The following PARD3B variants were observed in gnomAD, a reference collection of about 807,000 sequenced individuals.
The protein encoded by PARD3B is par-3 family cell polarity regulator beta.
A neutral mutation model predicts 130.2 loss-of-function variants in PARD3B; 103 were observed. That is an observed-to-expected ratio of 0.79 (90% CI 0.67 to 0.93). The LOEUF is 0.93. Among genes scored for constraint, PARD3B ranks in the 40% least tolerant of loss-of-function variants. The pLI is 0.00. For missense variants in PARD3B, 1,609 were observed against 1,499.2 expected, an observed-to-expected ratio of 1.07 and a Z score of -1.21; for synonymous variants, 583 against 553.2, an observed-to-expected ratio of 1.05 and a Z score of -0.76.
chr2:204,984,562 T>C (rs1692964239), intron 3 of PARD3B, among the ~76,000 whole-genome samples: 1 of 152,192 alleles, frequency 6.6e-6, no homozygotes, highest in South Asian at 2.1e-4. Context: ...TATTCCTTTG[T>C]ATTCACAAAG....
In PARD3B at chr2:204,952,030, A is replaced by G. The variant is rs562814519; in HGVS notation, c.223-13122A>G. 2.0e-5 allele frequency among the ~76,000 whole-genome samples: 3 copies of G among 152,322 alleles called. No individual in the cohort carries two copies. In the South Asian group the frequency reaches 6.2e-4, roughly 32 times the overall value. On this transcript the variant is annotated intron_variant, in intron 2 of 22. Coordinates refer to ENST00000406610, the MANE Select transcript of PARD3B (RefSeq NM_001302769.2). ...GATTGTGGAAGAAAAGCTAAAATAC[A>G]TAAAATGTTATTTTTTCTGGGGAAT...
intron 2 of PARD3B, among the ~76,000 whole-genome samples, chr2:204,783,597 T>G (rs2041913428): frequency 6.6e-6 from 1 of 152,180 alleles, no homozygotes; most frequent in South Asian, 2.1e-4. Flanking sequence ...TTGTGGTTTT[T>G]GCCATTGAAA....
chr2:205,048,346 G>A (rs192028156), intron 4 of PARD3B: 2 of 152,278 alleles, frequency 1.3e-5, no homozygotes, highest in Admixed American at 1.3e-4. Context: ...ATAACTAATA[G>A]GTTAAGTGGA....
At chr2:204,775,601 G>A (rs1043785715) in intron 2 of PARD3B, among the ~76,000 whole-genome samples, 2 of 152,120 alleles carry the variant, frequency 1.3e-5, no homozygotes, top group African/African-American at 2.4e-5. Flanking sequence ...ACTTGGCTGA[G>A]GTTCTTAATG....
intron 1 of PARD3B, among the ~76,000 whole-genome samples, chr2:204,625,951 G>A (rs1055026174): frequency 6.6e-6 from 1 of 151,846 alleles, no homozygotes; most frequent in African/African-American, 2.4e-5. Context: ...AGATGTATAG[G>A]GTATATTATT....
intron 2 of PARD3B, among the ~76,000 whole-genome samples, chr2:204,793,344 AT>A (rs2042260885): frequency 6.6e-6 from 1 of 152,006 alleles, no homozygotes; most frequent in Non-Finnish European, 1.5e-5. Flanking sequence ...AAATTAACAG[AT>A]TATTTAATTA....
chr2:204,648,103 G>T (rs1372632202), intron 1 of PARD3B, among the ~76,000 whole-genome samples: 1 of 151,574 alleles, frequency 6.6e-6, no homozygotes, highest in Non-Finnish European at 1.5e-5. Flanking sequence ...TATTTTTGAG[G>T]TTATGCAAGT....
At chr2:205,201,946 G>A (rs1179801690) in intron 15 of PARD3B, among the ~76,000 whole-genome samples, 4 of 152,102 alleles carry the variant, frequency 2.6e-5, no homozygotes, top group Admixed American at 2.0e-4. Flanking sequence ...ATATTACACA[G>A]AATATAATTG....
chr2:205,015,166 A>G lies in PARD3B; in HGVS notation c.395-32415A>G, dbSNP rs1696037848. Among the ~76,000 whole-genome samples the G allele has an allele frequency of 6.6e-6, 1 of 152,226 alleles. No individual in the cohort carries two copies. Among genetic ancestry groups the G allele is most frequent in the Non-Finnish European group, 1.5e-5 (1 of 68,036 alleles). ...GTATGTTATATGTATTATGTATACA[A>G]TATGTATTTTTATGTATTCTTACAA... is the stretch of plus-strand genomic sequence containing the variant. On this transcript the variant is annotated intron_variant, in intron 3 of 22. Transcript: ENST00000406610. This position sits in a 1 kb window ranked among gnomAD's most constrained non-coding sequence, Gnocchi z 4.5.
At chr2:205,045,524 A>G (rs1238252089) in intron 3 of PARD3B, among the ~76,000 whole-genome samples, 1 of 152,060 alleles carries the variant, frequency 6.6e-6, no homozygotes. Context: ...CTGGGATTAT[A>G]GGCGTGAGCC....
At chr2:204,935,279 C>T (rs533584256) in intron 2 of PARD3B, among the ~76,000 whole-genome samples, 11 of 151,206 alleles carry the variant, frequency 7.3e-5, no homozygotes, top group Non-Finnish European at 1.5e-4. Context: ...CCTGTAATCC[C>T]AGCACTTTGG....
chr2:204,762,030 G>A (rs1259066098), intron 2 of PARD3B, among the ~76,000 whole-genome samples: 2 of 149,928 alleles, frequency 1.3e-5, no homozygotes, highest in African/African-American at 2.5e-5. Flanking sequence ...TCTTGCCATT[G>A]AGCCCACAAT....
intron 18 of PARD3B, among the ~76,000 whole-genome samples, chr2:205,332,677 C>T (rs1288083134): frequency 2.0e-5 from 3 of 152,116 alleles, no homozygotes; most frequent in Non-Finnish European, 4.4e-5. Context: ...AGACGGCTTC[C>T]CCTCTTCTCT....
chr2:204,907,923 A>T lies in PARD3B; in HGVS notation c.223-57229A>T, dbSNP rs1249784373. ...CATTATGTTGGCCAGGCTGGTCTCA[A>T]ACTCCTGGCCTCAAGTGACCTGCCT... On this transcript the variant is annotated intron_variant, in intron 2 of 22. Transcript: ENST00000406610. The surrounding 1 kb of genome is among the most constrained non-coding windows in gnomAD (Gnocchi z 5.7). Among the ~76,000 whole-genome samples, 1 of 152,030 alleles carries T rather than the reference A, an allele frequency of 6.6e-6. No homozygotes were observed. The highest frequency in any genetic ancestry group is 1.5e-5 in the Non-Finnish European group (1 of 68,016).
chr2:205,326,807 A>G (rs1037260842), intron 18 of PARD3B, among the ~76,000 whole-genome samples: 2 of 152,190 alleles, frequency 1.3e-5, no homozygotes, highest in African/African-American at 4.8e-5. Flanking sequence ...AGGGCTCTTC[A>G]TTAGGGGAAA....
At chr2:205,195,509 C>A (rs2036634032) in intron 15 of PARD3B, among the ~76,000 whole-genome samples, 1 of 152,208 alleles carries the variant, frequency 6.6e-6, no homozygotes, top group South Asian at 2.1e-4. Context: ...GGGAGCCTAA[C>A]AAATGTGTTA....
intron 3 of PARD3B, among the ~76,000 whole-genome samples, chr2:205,016,943 A>G (rs549122390): frequency 6.6e-6 from 1 of 152,308 alleles, no homozygotes; most frequent in South Asian, 2.1e-4. Flanking sequence ...AGTTCCTCTA[A>G]GCACCAAAAG....
At chr2:204,698,249 T>G (rs941080193) in intron 2 of PARD3B, among the ~76,000 whole-genome samples, 4 of 152,168 alleles carry the variant, frequency 2.6e-5, no homozygotes, top group Non-Finnish European at 5.9e-5. Context: ...CCTCTTTATT[T>G]CCATTTGATT....
chr2:205,146,021 G>A lies in PARD3B; in HGVS notation c.1435-12701G>A, dbSNP rs1406648979. ...CACAGCCTTGGGCCAGACCTCCTGG[G>A]GAAGCGCCAGCAGCCTGTGGATTGA... On this transcript the variant is annotated intron_variant, in intron 10 of 22. Coordinates refer to ENST00000406610, the MANE Select transcript of PARD3B (RefSeq NM_001302769.2). This position sits in a 1 kb window ranked among gnomAD's most constrained non-coding sequence, Gnocchi z 4.3. Among the ~76,000 whole-genome samples the A allele has an allele frequency of 1.3e-5, 2 of 152,164 alleles. No homozygotes were observed. Among genetic ancestry groups the A allele is most frequent in the Non-Finnish European group, 2.9e-5 (2 of 68,028 alleles).
Sources: allele counts gnomAD v4.1 joint callset (sites outside exome capture counted in the v4.1 genomes callset), GRCh38; gene constraint gnomAD v4.1.1; non-coding constraint Gnocchi (gnomAD v3.1); transcripts MANE v1.5; gene names NCBI Gene and HGNC (gene_info 2026-07-23, HGNC 2026-07-21).